ERP44: variants seen among roughly 807,000 people sequenced by gnomAD.
The protein encoded by ERP44 is endoplasmic reticulum resident protein 44.
Under a neutral mutation model 53.4 loss-of-function variants are expected in ERP44, and 25 were observed. The observed-to-expected ratio is 0.47, with a 90% CI of 0.34 to 0.65. The LOEUF is 0.65. Ranked by LOEUF, ERP44 falls within the 30% of genes least tolerant of loss-of-function variation. The pLI, the probability that ERP44 is intolerant of heterozygous loss-of-function variation, is 0.01. For synonymous variants in ERP44, 145 were observed against 161.2 expected (o/e 0.90, Z 0.76); for missense variants, 338 against 493.2 (o/e 0.69, Z 2.98).
intron 3 of ERP44, among the ~76,000 whole-genome samples, chr9:100,054,276 C>A (rs1270464532): frequency 1.3e-5 from 2 of 152,142 alleles, no homozygotes; most frequent in South Asian, 4.1e-4. Flanking sequence ...GCGGCTAGGA[C>A]CGCAGGTTTG....
intron 4 of ERP44, among the ~76,000 whole-genome samples, chr9:100,037,562 G>A (rs1299955852): frequency 6.6e-6 from 1 of 152,090 alleles, no homozygotes; most frequent in African/African-American, 2.4e-5. Flanking sequence ...AGACTGCATA[G>A]CTCACCACTC....
At chr9:100,068,997 C>A (rs1381317190) in intron 1 of ERP44, among the ~76,000 whole-genome samples, 2 of 152,184 alleles carry the variant, frequency 1.3e-5, no homozygotes, top group Non-Finnish European at 2.9e-5. Flanking sequence ...TTACCCCCAA[C>A]CCTGTGCTCT....
chr9:99,998,078 T>C (rs1255617034), intron 10 of ERP44, among the ~76,000 whole-genome samples: 1 of 152,220 alleles, frequency 6.6e-6, no homozygotes. Flanking sequence ...CAAATACTAG[T>C]GTATAACAGG....
At chr9:100,056,611 T>C (rs1826090468) in intron 3 of ERP44, among the ~76,000 whole-genome samples, 2 of 152,060 alleles carry the variant, frequency 1.3e-5, no homozygotes, top group African/African-American at 4.8e-5. Flanking sequence ...TAGGGGTAGG[T>C]GTATTGATCC....
At chr9:100,073,985 T>C (rs1326305759) in intron 1 of ERP44, among the ~76,000 whole-genome samples, 1 of 152,252 alleles carries the variant, frequency 6.6e-6, no homozygotes, top group Non-Finnish European at 1.5e-5. Context: ...GTATCCCAGT[T>C]TGCAGTTCCA....
In ERP44 at chr9:100,038,246, A is replaced by G. The variant is rs117698402; in HGVS notation, c.286+14171T>C. On this transcript the variant is annotated intron_variant, in intron 4 of 11. Coordinates refer to ENST00000262455, the MANE Select transcript of ERP44 (RefSeq NM_015051.3). ...AATTGCGGTGTGTCAACTACTTTTAAGTAAAAAGACTAAATTAGGGACCAA... is the reference window on the plus strand; with the variant it reads ...AATTGCGGTGTGTCAACTACTTTTAGGTAAAAAGACTAAATTAGGGACCAA... Among the ~76,000 whole-genome samples, 407 of 152,338 alleles carry G rather than the reference A, an allele frequency of 2.7e-3. 1 individual carries two copies. The highest frequency in any genetic ancestry group is 6.8e-3 in the Middle Eastern group (2 of 294).
intron 1 of ERP44, among the ~76,000 whole-genome samples, chr9:100,093,411 A>G (rs1826584266): frequency 6.6e-6 from 1 of 152,242 alleles, no homozygotes; most frequent in Non-Finnish European, 1.5e-5. Context: ...TGGGAGGCCA[A>G]AGCGGGTGGA....
intron 11 of ERP44, among the ~76,000 whole-genome samples, chr9:99,983,565 A>G (rs1830170487): frequency 6.6e-6 from 1 of 151,440 alleles, no homozygotes. Flanking sequence ...AAAAAAAAAA[A>G]AAAAAAAAAA....
intron 1 of ERP44, among the ~76,000 whole-genome samples, chr9:100,096,901 A>G (rs1347410673): frequency 6.6e-6 from 1 of 152,204 alleles, no homozygotes; most frequent in East Asian, 1.9e-4. Context: ...CAGTTAAGTA[A>G]GCAACTCAAA....
chr9:99,998,640 C>G, intron 10 of ERP44: 1 of 767,372 alleles, frequency 1.3e-6, no homozygotes, highest in Non-Finnish European at 2.4e-6. Context: ...TGAGATCTCT[C>G]CACATCCCTG....
At chr9:100,063,240 T>C (rs1403826255) in intron 1 of ERP44, among the ~76,000 whole-genome samples, 1 of 152,086 alleles carries the variant, frequency 6.6e-6, no homozygotes, top group African/African-American at 2.4e-5. Context: ...TGCTAATAAA[T>C]ATGCAAGTGA....
intron 10 of ERP44, among the ~76,000 whole-genome samples, chr9:99,985,290 T>G (rs1830184427): frequency 6.6e-6 from 1 of 152,164 alleles, no homozygotes; most frequent in African/African-American, 2.4e-5. Flanking sequence ...ATAGAAAAAT[T>G]TCCATGCTTA....
intron 1 of ERP44, among the ~76,000 whole-genome samples, chr9:100,063,105 AGG>A (rs1258451988): frequency 6.7e-6 from 1 of 150,144 alleles, no homozygotes; most frequent in African/African-American, 2.4e-5. Flanking sequence ...AGAGAGAGAG[AGG>A]GAAATTGATT....
chr9:100,036,646 C>T (rs947477298), intron 4 of ERP44, among the ~76,000 whole-genome samples: 2 of 151,908 alleles, frequency 1.3e-5, no homozygotes, highest in Admixed American at 6.6e-5. Context: ...CATGTACCCC[C>T]GATTCTAAAA....
chr9:100,041,833 G>A lies in ERP44; in HGVS notation c.286+10584C>T, dbSNP rs137962864. 8.5e-4 allele frequency among the ~76,000 whole-genome samples: 130 copies of A among 152,274 alleles called. 1 individual carries two copies. The highest frequency in any genetic ancestry group is 2.1e-3 in the East Asian group (11 of 5,190). ...GACAGTCTCTTCAATAAATGGTACT[G>A]GAAGAACTGGATATCCATATGCAGA... On this transcript the variant is annotated intron_variant, in intron 4 of 11. Transcript: ENST00000262455.
chr9:100,061,567 TATATTTATA>T (rs1826149545), intron 1 of ERP44, among the ~76,000 whole-genome samples: 1 of 147,250 alleles, frequency 6.8e-6, no homozygotes, highest in Admixed American at 6.8e-5. Flanking sequence ...TAGAAACGTA[TATATTTATA>T]GAAACGTATA....
chr9:100,032,702 G>A (rs1165121488), intron 4 of ERP44, among the ~76,000 whole-genome samples: 1 of 152,162 alleles, frequency 6.6e-6, no homozygotes, highest in Admixed American at 6.5e-5. Context: ...TTTAATAGTG[G>A]CTGTCCTAAG....
At chr9:100,003,333 C>G (rs1041129249) in intron 10 of ERP44, among the ~76,000 whole-genome samples, 1 of 152,180 alleles carries the variant, frequency 6.6e-6, no homozygotes, top group African/African-American at 2.4e-5. Context: ...TTATTGTGCT[C>G]TTTTGGTGAT....
chr9:100,035,528 A>G (rs182368717), intron 4 of ERP44, among the ~76,000 whole-genome samples: 1 of 152,166 alleles, frequency 6.6e-6, no homozygotes, highest in African/African-American at 2.4e-5. Flanking sequence ...ATACAAAATT[A>G]GCCCGGCATG....
Sources: gnomAD v4.1 joint callset for allele counts (sites outside exome capture counted in the v4.1 genomes callset) on GRCh38, gnomAD v4.1.1 for gene constraint, MANE v1.5 for transcripts, NCBI Gene and HGNC (gene_info 2026-07-23, HGNC 2026-07-21) for gene names.